CDK13: variants seen among roughly 807,000 people sequenced by gnomAD.
CDK13 encodes the protein cyclin-dependent kinase 13.
In CDK13, 40 loss-of-function variants were observed where a neutral mutation model predicts 137.6. The ratio of observed to expected loss-of-function variants is 0.29; its 90% confidence interval spans 0.23 to 0.38. The LOEUF (loss-of-function observed/expected upper bound fraction) is 0.38, where lower values mean the gene tolerates loss of function less well. CDK13 is among the 10% of genes least tolerant of loss of function. CDK13 has a pLI of 1.00. For synonymous variants in CDK13, 869 were observed against 760.1 expected (o/e 1.14, Z -2.36); for missense variants, 1,704 against 1,951.8 (o/e 0.87, Z 2.39).
chr7:39,974,689 A>C (rs140166258), intron 1 of CDK13, among the ~76,000 whole-genome samples: 1 of 151,296 alleles, frequency 6.6e-6, no homozygotes, highest in East Asian at 2.0e-4. Flanking sequence ...TCAGCCTCCT[A>C]TGTAGCTGGG....
chr7:39,968,498 C>CA (rs1237912012), intron 1 of CDK13, among the ~76,000 whole-genome samples: 2 of 152,202 alleles, frequency 1.3e-5, no homozygotes, highest in African/African-American at 4.8e-5. Context: ...CTAGCCTCTG[C>CA]AGTAGCTGGG....
intron 1 of CDK13, among the ~76,000 whole-genome samples, chr7:39,969,523 A>G (rs1783948540): frequency 6.6e-6 from 1 of 152,192 alleles, no homozygotes; most frequent in Non-Finnish European, 1.5e-5. Context: ...CTCTTGAATA[A>G]GTTAGGAGAG....
At chr7:40,078,256 T>C in intron 10 of CDK13, 135 bp downstream of exon 10, 1 of 463,916 alleles carries the variant, frequency 2.2e-6, no homozygotes, top group Non-Finnish European at 3.8e-6. Flanking sequence ...TTTTGAGTTC[T>C]GTTTGCTACA....
chr7:40,093,578 G>A (rs902044468), intron 13 of CDK13, among the ~76,000 whole-genome samples: 2 of 152,098 alleles, frequency 1.3e-5, no homozygotes, highest in African/African-American at 2.4e-5. Flanking sequence ...TGAAGTATAC[G>A]TGAATTCTGC....
Position 39,950,633 on chromosome 7 carries a change from C to T in CDK13, c.-9C>T. The T allele has an allele frequency of 7.6e-7, 1 of 1,317,112 alleles. No homozygotes were observed. The highest frequency in any genetic ancestry group is 9.7e-7 in the Non-Finnish European group (1 of 1,035,376). The allele number at this position is 1,317,112 out of a possible 1,614,324, so 81.6% of individuals were successfully genotyped here. A position where few individuals can be genotyped will look rare whatever the true frequency, so the allele number is the denominator to read the frequency against. On this transcript the variant is annotated 5_prime_UTR_variant, in exon 1 of 14. Transcript: ENST00000181839. ...CACCCGCGCCGCGCTCTGCGGCTGG[C>T]TCTAGGCGATGCCGAGCAGCTCGGA...
intron 1 of CDK13, among the ~76,000 whole-genome samples, chr7:39,959,311 G>A (rs1473049293): frequency 2.1e-4 from 32 of 151,452 alleles, no homozygotes; most frequent in African/African-American, 7.5e-4. Context: ...ACAGGCATGC[G>A]CCACCATGCC....
chr7:39,982,158 C>G (rs1784240340), intron 1 of CDK13, among the ~76,000 whole-genome samples: 1 of 142,968 alleles, frequency 7.0e-6, no homozygotes, highest in African/African-American at 2.6e-5. Flanking sequence ...AATGCTATCC[C>G]TCCCCCCTCC....
chr7:40,030,441 T>G (rs1584013332), intron 5 of CDK13, among the ~76,000 whole-genome samples: 1 of 142,832 alleles, frequency 7.0e-6, no homozygotes, highest in Admixed American at 6.9e-5. Flanking sequence ...TTTTTTTTTT[T>G]TTTTTTTTGA....
intron 9 of CDK13, among the ~76,000 whole-genome samples, chr7:40,064,386 A>C (rs1392143441): frequency 6.6e-6 from 1 of 152,124 alleles, no homozygotes; most frequent in Non-Finnish European, 1.5e-5. Flanking sequence ...ATATATATGA[A>C]GTTTTTTAGG....
At chr7:39,960,341 C>T (rs564089418) in intron 1 of CDK13, among the ~76,000 whole-genome samples, 5 of 151,522 alleles carry the variant, frequency 3.3e-5, no homozygotes, top group Admixed American at 6.6e-5. Context: ...CTGCAAGCTC[C>T]GCTTCCCAGG....
rs1288249817 is a variant in CDK13 at position 40,093,226 on chromosome 7, C to T, written c.3677C>T (p.Thr1226Ile). Residue 1226 changes from threonine (T) to isoleucine (I), a missense_variant, in exon 13 of 14, where the codon ACT becomes ATT. By Grantham distance (89) the Thr-to-Ile change is moderately conservative. Around this residue, in one of 5 missense-constraint regions of CDK13, gnomAD observed 475 missense variants for 579.3 expected, o/e 0.82. Coordinates refer to ENST00000181839, the MANE Select transcript of CDK13 (RefSeq NM_003718.5). ...CTCAGGCCACCTCCAGAACCTAGCA[C>T]TCCGGTGTCGGGTAAGTGTGCAGAT... Reference protein sequence around the residue: ...LQLRPPPEPSTPVSGQDDLIQ... With the variant: ...LQLRPPPEPSIPVSGQDDLIQ... The T allele has an allele frequency of 2.5e-6, 4 of 1,611,254 alleles. No individual in the cohort carries two copies. In the African/African-American group the frequency reaches 4.0e-5, roughly 16 times the overall value.
At chr7:40,085,365 T>C (rs1468042795) in intron 11 of CDK13, among the ~76,000 whole-genome samples, 1 of 146,690 alleles carries the variant, frequency 6.8e-6, no homozygotes, top group African/African-American at 2.6e-5. Context: ...CAAGATTCCA[T>C]CTCAAAAAAA....
intron 1 of CDK13, among the ~76,000 whole-genome samples, chr7:39,964,916 C>T (rs13207223): frequency 9.9e-5 from 15 of 152,280 alleles, no homozygotes; most frequent in African/African-American, 3.4e-4. Context: ...TGTTCAGTTT[C>T]CATGTAGTTG....
chr7:40,026,502 G>A (rs1785246810), intron 5 of CDK13, among the ~76,000 whole-genome samples: 1 of 152,178 alleles, frequency 6.6e-6, no homozygotes, highest in African/African-American at 2.4e-5. Flanking sequence ...AACAGAATGA[G>A]ACCCTGCCTC....
Position 40,043,451 on chromosome 7 carries a change from T to A in CDK13, c.2354-2385T>A, listed in dbSNP as rs140337998. ...CTTCAAGGATAATTTTAGAATTATT[T>A]TGTCAAGTTAAGTCTCCTCGCTCCT... On this transcript the variant is annotated intron_variant, in intron 5 of 13. Transcript: ENST00000181839. Among the ~76,000 whole-genome samples, 1,487 of 152,302 alleles carry A rather than the reference T, an allele frequency of 9.8e-3. 21 individuals are homozygous for A. Among genetic ancestry groups the A allele is most frequent in the South Asian group, 0.019 (90 of 4,820 alleles).
At chr7:39,952,484 A>G (rs930272241) in intron 1 of CDK13, 1 of 152,220 alleles carries the variant, frequency 6.6e-6, no homozygotes, top group African/African-American at 2.4e-5. Flanking sequence ...TGTGTGGGAT[A>G]GTTTTTACCT....
chr7:39,967,302 C>G (rs1783893296), intron 1 of CDK13, among the ~76,000 whole-genome samples: 1 of 152,164 alleles, frequency 6.6e-6, no homozygotes, highest in Middle Eastern at 3.4e-3. Context: ...TGGCATGTAC[C>G]TGTAGTTCCA....
chr7:39,958,736 T>A (rs930400511), intron 1 of CDK13, among the ~76,000 whole-genome samples: 2 of 147,784 alleles, frequency 1.4e-5, no homozygotes, highest in East Asian at 1.9e-4. Flanking sequence ...CTAAAGCAAA[T>A]TTTTTTTTGT....
intron 9 of CDK13, among the ~76,000 whole-genome samples, chr7:40,075,086 A>G (rs535110690): frequency 1.3e-5 from 2 of 152,238 alleles, no homozygotes; most frequent in South Asian, 4.2e-4. Context: ...GAGAATAAGT[A>G]AAGAGGTGGA....
Sources: gnomAD v4.1 joint callset for allele counts (sites outside exome capture counted in the v4.1 genomes callset) on GRCh38, gnomAD v4.1.1 for gene constraint, gnomAD v4.1.1 regional missense constraint, MANE v1.5 for transcripts, NCBI Gene and HGNC (gene_info 2026-07-23, HGNC 2026-07-21) for gene names.